Variants in KAT2B observed in about 807,000 individuals in gnomAD.
KAT2B encodes histone acetyltransferase KAT2B.
Under a neutral mutation model 105.9 loss-of-function variants are expected in KAT2B, and 36 were observed. The observed-to-expected ratio is 0.34, with a 90% CI of 0.26 to 0.45. The LOEUF is 0.45. Among genes scored for constraint, KAT2B ranks in the 20% least tolerant of loss-of-function variants. The probability of loss-of-function intolerance (pLI) is 1.00; values close to 1 mark genes in which losing one functional copy is unlikely to be tolerated. For synonymous variants in KAT2B, 397 were observed against 377.9 expected, an observed-to-expected ratio of 1.05 and a Z score of -0.59; for missense variants, 820 against 1,021.6, an observed-to-expected ratio of 0.80 and a Z score of 2.69.
intron 2 of KAT2B, among the ~76,000 whole-genome samples, chr3:20,081,798 T>G (rs1698523476): frequency 6.6e-6 from 1 of 151,508 alleles, no homozygotes; most frequent in South Asian, 2.1e-4. Flanking sequence ...GTCATGAGAA[T>G]AATAACGAAG....
At chr3:20,090,386 T>C (rs1338019380) in intron 2 of KAT2B, among the ~76,000 whole-genome samples, 1 of 152,232 alleles carries the variant, frequency 6.6e-6, no homozygotes, top group Non-Finnish European at 1.5e-5. Flanking sequence ...CCTCTATGCC[T>C]AATTTGTTGA....
intron 10 of KAT2B, 117 bp from the exon 11 acceptor site, chr3:20,127,306 T>A: frequency 1.1e-6 from 1 of 925,150 alleles, no homozygotes; most frequent in Non-Finnish European, 1.7e-6. Flanking sequence ...ATGAAGGAAG[T>A]TTCTATAGAA....
intron 2 of KAT2B, among the ~76,000 whole-genome samples, chr3:20,089,876 G>C (rs1698684494): frequency 6.6e-6 from 1 of 151,918 alleles, no homozygotes; most frequent in Admixed American, 6.6e-5. Flanking sequence ...GCTGGGCATG[G>C]TTACTCTTGC....
chr3:20,095,546 C>T, intron 3 of KAT2B, 138 bp downstream of exon 3: 1 of 577,948 alleles, frequency 1.7e-6, no homozygotes, highest in Non-Finnish European at 3.0e-6. Context: ...TACGTTTCTT[C>T]ATGACTGATT....
intron 9 of KAT2B, among the ~76,000 whole-genome samples, chr3:20,125,092 G>A (rs973121014): frequency 1.8e-4 from 27 of 152,138 alleles, no homozygotes; most frequent in African/African-American, 6.0e-4. Context: ...GGAGGCCGAG[G>A]CGGGCAGATC....
chr3:20,090,318 T>G (rs1698694352), intron 2 of KAT2B, among the ~76,000 whole-genome samples: 1 of 152,228 alleles, frequency 6.6e-6, no homozygotes, highest in South Asian at 2.1e-4. Flanking sequence ...CCATTGAGTG[T>G]GATGTTAATT....
chr3:20,151,395 A>G (rs902833716), intron 17 of KAT2B, among the ~76,000 whole-genome samples: 1 of 152,084 alleles, frequency 6.6e-6, no homozygotes, highest in African/African-American at 2.4e-5. Flanking sequence ...TCCCCCTGGA[A>G]ATTTTATAAC....
intron 2 of KAT2B, among the ~76,000 whole-genome samples, chr3:20,082,040 G>T (rs895664627): frequency 6.6e-6 from 1 of 151,468 alleles, no homozygotes; most frequent in Admixed American, 6.6e-5. Context: ...TAATAATAAG[G>T]TTTTCTTTTT....
At chr3:20,113,184 C>G (rs1399068805) in intron 6 of KAT2B, among the ~76,000 whole-genome samples, 1 of 152,210 alleles carries the variant, frequency 6.6e-6, no homozygotes, top group East Asian at 1.9e-4. Flanking sequence ...TTAGGGCACA[C>G]TCATGTATTT....
chr3:20,077,697 T>C (rs1698443660), intron 2 of KAT2B, among the ~76,000 whole-genome samples: 1 of 152,256 alleles, frequency 6.6e-6, no homozygotes, highest in African/African-American at 2.4e-5. Flanking sequence ...ATTGTATTTC[T>C]ATTGAATTGT....
chr3:20,138,597 C>G (rs997794553), intron 12 of KAT2B, among the ~76,000 whole-genome samples: 2 of 152,096 alleles, frequency 1.3e-5, no homozygotes, highest in African/African-American at 4.8e-5. Context: ...AAATTTACCA[C>G]TTTTCCAGAT....
chr3:20,059,606 G>A (rs1698064639), intron 1 of KAT2B, among the ~76,000 whole-genome samples: 1 of 152,020 alleles, frequency 6.6e-6, no homozygotes, highest in African/African-American at 2.4e-5. Context: ...TTGGGAGGCT[G>A]AGGCAGGAGA....
intron 17 of KAT2B, among the ~76,000 whole-genome samples, chr3:20,149,196 G>C (rs913760579): frequency 2.0e-5 from 3 of 152,070 alleles, no homozygotes; most frequent in Non-Finnish European, 4.4e-5. Context: ...CAGTTGAAAT[G>C]TTTTCTTTTT....
chr3:20,148,596 G>A (rs1422417032), intron 17 of KAT2B, 109 bp downstream of exon 17: 3 of 786,344 alleles, frequency 3.8e-6, no homozygotes, highest in African/African-American at 3.5e-5. Flanking sequence ...GGTAGGAAGT[G>A]TATGACGGGT....
chr3:20,145,876 C>T (rs1227980712), intron 13 of KAT2B, among the ~76,000 whole-genome samples: 1 of 152,096 alleles, frequency 6.6e-6, no homozygotes, highest in East Asian at 1.9e-4. Context: ...TTCTGGGGCC[C>T]GTTTACCTGC....
At chr3:20,105,963 A>G (rs1189822098) in intron 5 of KAT2B, among the ~76,000 whole-genome samples, 1 of 152,200 alleles carries the variant, frequency 6.6e-6, no homozygotes, top group Non-Finnish European at 1.5e-5. Context: ...TAAGTCTAGA[A>G]CAGATTTATC....
At chr3:20,117,315 G>C (rs546219316) in intron 7 of KAT2B, among the ~76,000 whole-genome samples, 37 of 152,298 alleles carry the variant, frequency 2.4e-4, no homozygotes, top group Non-Finnish European at 4.6e-4. Flanking sequence ...GTCTTCTCTT[G>C]TTCTACTGTA....
At chr3:20,106,979 GTATATATATA>G (rs869172127) in intron 5 of KAT2B, among the ~76,000 whole-genome samples, 3,302 of 33,438 alleles carry the variant, frequency 0.099, 277 homozygotes, top group South Asian at 0.29. Context: ...ATATATATAT[GTATATATATA>G]TATATATATA....
At chr3:20,129,007 CAAAA>C (rs534566854) in intron 11 of KAT2B, among the ~76,000 whole-genome samples, 2 of 57,284 alleles carry the variant, frequency 3.5e-5, no homozygotes, top group African/African-American at 8.2e-5. Flanking sequence ...AACTCCATCT[CAAAA>C]AAAAAAAAAA....
Sources: allele counts gnomAD v4.1 joint callset (sites outside exome capture counted in the v4.1 genomes callset), GRCh38; gene constraint gnomAD v4.1.1; transcripts MANE v1.5; gene names NCBI Gene and HGNC (gene_info 2026-07-23, HGNC 2026-07-21).